Variants in CSMD1 observed in about 807,000 individuals in gnomAD.
CSMD1 encodes the protein CUB and Sushi multiple domains 1, also known as CUB and sushi domain-containing protein 1.
In CSMD1, 213 loss-of-function variants were observed where a neutral mutation model predicts 417.5. The ratio of observed to expected loss-of-function variants is 0.51; its 90% CI spans 0.46 to 0.57. The LOEUF is 0.57. Ranked by LOEUF, CSMD1 falls within the 20% of genes least tolerant of loss-of-function variation. The pLI, the probability that CSMD1 is intolerant of heterozygous loss-of-function variation, is 0.00. For missense variants in CSMD1, 6,923 were observed against 4,529.7 expected, an observed-to-expected ratio of 1.53 and a Z score of -15.17; for synonymous variants, 2,862 against 1,736.8, an observed-to-expected ratio of 1.65 and a Z score of -16.11.
chr8:3,066,227 A>C (rs1197638302), intron 49 of CSMD1, among the ~76,000 whole-genome samples: 2 of 152,204 alleles, frequency 1.3e-5, no homozygotes, highest in African/African-American at 4.8e-5. Flanking sequence ...TACAACAGCT[A>C]ATGAAATGAA....
At chr8:4,464,351 G>C (rs1327083314) in intron 2 of CSMD1, among the ~76,000 whole-genome samples, 1 of 152,134 alleles carries the variant, frequency 6.6e-6, no homozygotes, top group African/African-American at 2.4e-5. Context: ...TAAAAACATT[G>C]TAAGCTGAAA....
chr8:3,126,558 G>T (rs17079480), intron 41 of CSMD1, among the ~76,000 whole-genome samples: 4 of 152,140 alleles, frequency 2.6e-5, no homozygotes, highest in Non-Finnish European at 4.4e-5. Flanking sequence ...AGCCATGAAT[G>T]GTAGTCCACA....
intron 1 of CSMD1, among the ~76,000 whole-genome samples, chr8:4,906,628 A>C (rs548438282): frequency 1.3e-5 from 2 of 151,718 alleles, no homozygotes; most frequent in Non-Finnish European, 2.9e-5. Flanking sequence ...GCACAATCTC[A>C]GCTGTGCAAC....
intron 1 of CSMD1, among the ~76,000 whole-genome samples, chr8:4,931,426 AC>A (rs1159373969): frequency 6.6e-6 from 1 of 152,066 alleles, no homozygotes; most frequent in East Asian, 1.9e-4. Flanking sequence ...CTGGCTGGTT[AC>A]CTTTAGTTGC....
rs979360273 is a variant in CSMD1 at position 4,399,999 on chromosome 8, T to G, written c.415+19954A>C. Among the ~76,000 whole-genome samples, 3 of 152,150 alleles carry G rather than the reference T, an allele frequency of 2.0e-5. No individual in the cohort carries two copies. In the East Asian group the frequency reaches 5.8e-4, roughly 29 times the overall value. On this transcript the variant is annotated intron_variant, in intron 3 of 69. Coordinates refer to ENST00000635120, the MANE Select transcript of CSMD1 (RefSeq NM_033225.6). ...AGGTTGATAAGCCTTTCTTTCCAAG[T>G]GAATTCCCACACCATCTAGTGGAGG...
chr8:4,894,203 G>C (rs1804321580), intron 1 of CSMD1, among the ~76,000 whole-genome samples: 1 of 151,992 alleles, frequency 6.6e-6, no homozygotes, highest in South Asian at 2.1e-4. Flanking sequence ...TATCAGATAT[G>C]CCCAAACTTC....
At chr8:3,360,315 T>A (rs767160787) in intron 20 of CSMD1, among the ~76,000 whole-genome samples, 8 of 152,242 alleles carry the variant, frequency 5.3e-5, no homozygotes, top group Non-Finnish European at 8.8e-5. Flanking sequence ...AGCACTGATA[T>A]CTCACTTCTG....
intron 5 of CSMD1, among the ~76,000 whole-genome samples, chr8:3,775,227 A>C (rs1325028165): frequency 6.6e-6 from 1 of 152,226 alleles, no homozygotes; most frequent in East Asian, 1.9e-4. Flanking sequence ...AAACTTTGCA[A>C]AACAAGTTAG....
chr8:3,763,473 T>A (rs980876153), intron 5 of CSMD1, among the ~76,000 whole-genome samples: 2 of 152,050 alleles, frequency 1.3e-5, no homozygotes, highest in African/African-American at 4.8e-5. Flanking sequence ...TCTCCTTTGC[T>A]CCCCTTCTCA....
intron 37 of CSMD1, among the ~76,000 whole-genome samples, chr8:3,180,420 C>A (rs1462623392): frequency 6.6e-6 from 1 of 152,128 alleles, no homozygotes; most frequent in Admixed American, 6.5e-5. Context: ...GGCTTATGAC[C>A]ATAATCTAGG....
At chr8:4,290,986 G>T (rs1396805723) in intron 3 of CSMD1, among the ~76,000 whole-genome samples, 2 of 152,004 alleles carry the variant, frequency 1.3e-5, no homozygotes, top group Non-Finnish European at 2.9e-5. Flanking sequence ...TCCCTAAATT[G>T]TATTTGTTAA....
intron 10 of CSMD1, among the ~76,000 whole-genome samples, chr8:3,519,329 A>T (rs1368969876): frequency 6.6e-6 from 1 of 152,154 alleles, no homozygotes; most frequent in African/African-American, 2.4e-5. Context: ...TCCAACCCCA[A>T]ATAAAAATTT....
intron 1 of CSMD1, among the ~76,000 whole-genome samples, chr8:4,823,699 T>C (rs978579812): frequency 1.3e-5 from 2 of 152,014 alleles, no homozygotes; most frequent in African/African-American, 4.8e-5. Flanking sequence ...ATGGTGAGAA[T>C]TAATATAATG....
In CSMD1 at chr8:3,753,825, C is replaced by G. The variant is rs890338979; in HGVS notation, c.931+105G>C. 4.3e-6 allele frequency: 3 copies of G among 695,848 alleles called. No individual in the cohort carries two copies. In the African/African-American group the frequency reaches 5.4e-5, roughly 13 times the overall value. 43.1% of individuals were successfully genotyped at this position (695,848 alleles called of 1,614,324 possible). A position where few individuals can be genotyped will look rare whatever the true frequency, so the allele number is the denominator to read the frequency against. ...TAACTGTGAATAAAAGAATTAGAAA[C>G]CATTTTCAAGCTATTTATCCAACTC... is the stretch of plus-strand genomic sequence containing the variant. On this transcript the variant is annotated intron_variant, in intron 6 of 69. Coordinates refer to ENST00000635120, the MANE Select transcript of CSMD1 (RefSeq NM_033225.6).
chr8:3,263,774 T>A (rs190055048), intron 26 of CSMD1, among the ~76,000 whole-genome samples: 1 of 152,202 alleles, frequency 6.6e-6, no homozygotes, highest in Admixed American at 6.5e-5. Flanking sequence ...CTTTAATAAA[T>A]GAATTGTGAC....
chr8:3,147,343 A>C (rs1378373687), intron 40 of CSMD1, among the ~76,000 whole-genome samples: 1 of 152,240 alleles, frequency 6.6e-6, no homozygotes, highest in East Asian at 1.9e-4. Flanking sequence ...CACGAAAGCA[A>C]CTTTTCTTAA....
chr8:4,029,064 T>C (rs1797209766), intron 4 of CSMD1, among the ~76,000 whole-genome samples: 1 of 152,148 alleles, frequency 6.6e-6, no homozygotes, highest in African/African-American at 2.4e-5. Context: ...AGACTGACAG[T>C]GTTGAAAGAG....
intron 1 of CSMD1, among the ~76,000 whole-genome samples, chr8:4,919,265 A>G (rs1806275703): frequency 6.6e-6 from 1 of 152,226 alleles, no homozygotes; most frequent in Non-Finnish European, 1.5e-5. Flanking sequence ...CCAAAGGGAA[A>G]AAGAAGAGTT....
chr8:4,656,011 T>C (rs182785835), intron 1 of CSMD1, among the ~76,000 whole-genome samples: 5 of 152,148 alleles, frequency 3.3e-5, no homozygotes, highest in South Asian at 2.1e-4. Context: ...ACTCAATACA[T>C]AAACTGCATG....
Sources: allele counts gnomAD v4.1 joint callset (sites outside exome capture counted in the v4.1 genomes callset), GRCh38; gene constraint gnomAD v4.1.1; transcripts MANE v1.5; gene names NCBI Gene and HGNC (gene_info 2026-07-23, HGNC 2026-07-21).